The following PAAF1 variants were observed in gnomAD, a reference collection of about 807,000 sequenced individuals.
PAAF1 encodes proteasomal ATPase-associated factor 1.
In PAAF1, 46 loss-of-function variants were observed where a neutral mutation model predicts 52.8. That is an observed-to-expected ratio of 0.87 (90% confidence interval 0.69 to 1.11). The LOEUF (loss-of-function observed/expected upper bound fraction) is 1.11, where lower values mean the gene tolerates loss of function less well. Among genes scored for constraint, PAAF1 ranks in the 50% most tolerant of loss-of-function variants. PAAF1 has a pLI of 0.00. For synonymous variants in PAAF1, 178 were observed against 172.8 expected (o/e 1.03, Z -0.24); for missense variants, 424 against 477.4 (o/e 0.89, Z 1.04).
chr11:73,885,842 CAA>C (rs371468192), intron 2 of PAAF1, among the ~76,000 whole-genome samples: 105 of 82,322 alleles, frequency 1.3e-3, no homozygotes, highest in African/African-American at 2.8e-3. Context: ...AACTCCATCT[CAA>C]AAAAAAAAAA....
chr11:73,894,692 C>T (rs1949297828), intron 4 of PAAF1, among the ~76,000 whole-genome samples: 1 of 152,038 alleles, frequency 6.6e-6, no homozygotes, highest in African/African-American at 2.4e-5. Context: ...GGCATGGTGG[C>T]ACACGCCTGT....
At chr11:73,887,872 CCTT>C (rs1949103299) in intron 3 of PAAF1, among the ~76,000 whole-genome samples, 1 of 152,146 alleles carries the variant, frequency 6.6e-6, no homozygotes. Flanking sequence ...GCCTCAGCCT[CCTT>C]AGCAGCTGGG....
chr11:73,900,831 A>C (rs1166467054), intron 6 of PAAF1, among the ~76,000 whole-genome samples: 2 of 151,528 alleles, frequency 1.3e-5, no homozygotes, highest in Non-Finnish European at 1.5e-5. Flanking sequence ...AAATACAAAA[A>C]ATTAGCCGGG....
At chr11:73,896,750 C>T (rs1370263208) in intron 4 of PAAF1, among the ~76,000 whole-genome samples, 2 of 152,220 alleles carry the variant, frequency 1.3e-5, no homozygotes, top group Non-Finnish European at 2.9e-5. Flanking sequence ...CCCCACCTTT[C>T]CCCCCTTTCT....
At chr11:73,888,571 T>A (rs929409052) in intron 3 of PAAF1, among the ~76,000 whole-genome samples, 3 of 152,224 alleles carry the variant, frequency 2.0e-5, no homozygotes, top group African/African-American at 7.2e-5. Context: ...TTTTGTGTAA[T>A]TAAACTTTTT....
Position 73,878,769 on chromosome 11 carries a change from T to G in PAAF1, c.48-10T>G, listed in dbSNP as rs1382618165. 6.2e-7 allele frequency: 1 copy of G among 1,613,420 alleles called. No homozygotes were observed. Among genetic ancestry groups the G allele is most frequent in the Non-Finnish European group, 8.5e-7 (1 of 1,179,630 alleles). Reference sequence around the variant, plus strand: ...GGTAAGCCTAATTAGGCTTTTGTCTTTCTTCGTAGGAAGGATGAAGGGGAG... The same window carrying G: ...GGTAAGCCTAATTAGGCTTTTGTCTGTCTTCGTAGGAAGGATGAAGGGGAG... On this transcript the variant is annotated splice_polypyrimidine_tract_variant and intron_variant, in intron 1 of 11. Transcript: ENST00000310571.
chr11:73,913,700 GAAA>G (rs61429432), intron 7 of PAAF1, among the ~76,000 whole-genome samples: 1 of 134,240 alleles, frequency 7.4e-6, no homozygotes, highest in South Asian at 2.3e-4. Context: ...GGTAAAAAAA[GAAA>G]AAAAAAAAGA....
chr11:73,897,468 C>G (rs866133701), intron 4 of PAAF1, among the ~76,000 whole-genome samples: 1 of 144,162 alleles, frequency 6.9e-6, no homozygotes. Context: ...ACTTCTCAGA[C>G]GGGGCGGCCG....
chr11:73,884,691 A>G (rs1018681932), intron 2 of PAAF1, among the ~76,000 whole-genome samples: 27 of 152,164 alleles, frequency 1.8e-4, no homozygotes, highest in Admixed American at 7.9e-4. Flanking sequence ...GCTTCATGAT[A>G]CTTCCCTGTG....
chr11:73,891,867 A>G (rs1949211216), intron 4 of PAAF1, among the ~76,000 whole-genome samples: 1 of 152,236 alleles, frequency 6.6e-6, no homozygotes, highest in Non-Finnish European at 1.5e-5. Context: ...TATTTTCTCA[A>G]AATTTCAAAT....
chr11:73,918,844 A>G, intron 9 of PAAF1, 106 bp from the exon 10 acceptor site: 1 of 791,960 alleles, frequency 1.3e-6, no homozygotes, highest in South Asian at 1.7e-5. Context: ...ATCTTTCTTC[A>G]CATTTTATCC....
intron 3 of PAAF1, chr11:73,888,878 G>C (rs1949129634): frequency 2.3e-6 from 1 of 438,318 alleles, no homozygotes; most frequent in Non-Finnish European, 4.0e-6. Context: ...CTCCTAGAAT[G>C]GTTAATGGGG....
intron 6 of PAAF1, among the ~76,000 whole-genome samples, chr11:73,907,606 G>A (rs1239173466): frequency 2.0e-5 from 3 of 152,204 alleles, no homozygotes; most frequent in African/African-American, 4.8e-5. Context: ...TGGAAACTGA[G>A]CTCACTGCTA....
Position 73,909,442 on chromosome 11 carries a change from G to A in PAAF1, c.576G>A (p.Val192=). 4 of 1,614,132 alleles carry A rather than the reference G, an allele frequency of 2.5e-6. No homozygotes were observed. The highest frequency in any genetic ancestry group is 2.5e-6 in the Non-Finnish European group (3 of 1,180,024). Residue 192 remains valine (V), a synonymous_variant, in exon 7 of 12, where the codon GTG becomes GTA. Transcript: ENST00000310571. ...TCGTTGATCGGGGGAGGAATGTGGT[G>A]TCTGCTTCTCGAGATGGGACAGCAC... ...TAIVDRGRNV[V]SASRDGTARL...
intron 10 of PAAF1, among the ~76,000 whole-genome samples, chr11:73,920,808 C>A (rs181329118): frequency 6.8e-6 from 1 of 147,704 alleles, no homozygotes; most frequent in African/African-American, 2.5e-5. Context: ...GCTGAGAGCA[C>A]GCCACTGCAC....
intron 9 of PAAF1, among the ~76,000 whole-genome samples, chr11:73,916,923 A>T (rs1405576098): frequency 6.6e-6 from 1 of 152,192 alleles, no homozygotes; most frequent in African/African-American, 2.4e-5. Flanking sequence ...CATTTCATTT[A>T]AATTGATTGT....
At position 73,924,595 on chromosome 11, in the gene PAAF1, A is replaced by G; in HGVS notation, c.1019-20A>G. On this transcript the variant is annotated intron_variant, in intron 10 of 11. Transcript: ENST00000310571. ...ATGCAGTTTTCTCTTAGTTATATGA[A>G]TTTTCTTTCTGCCTTTCAGGTGATG... The G allele has an allele frequency of 6.2e-7, 1 of 1,604,584 alleles. No individual in the cohort carries two copies.
At chr11:73,887,796 CTGGAGT>C (rs1949101425) in intron 3 of PAAF1, among the ~76,000 whole-genome samples, 1 of 152,168 alleles carries the variant, frequency 6.6e-6, no homozygotes, top group Non-Finnish European at 1.5e-5. Context: ...GTCGCCCAGG[CTGGAGT>C]GCAATGGCAT....
At chr11:73,877,701 C>T (rs1416878428) in intron 1 of PAAF1, among the ~76,000 whole-genome samples, 1 of 152,122 alleles carries the variant, frequency 6.6e-6, no homozygotes, top group Non-Finnish European at 1.5e-5. Flanking sequence ...GCCTGACCAA[C>T]ATGGTGAAAC....
Sources: allele counts gnomAD v4.1 joint callset (sites outside exome capture counted in the v4.1 genomes callset), GRCh38; gene constraint gnomAD v4.1.1; transcripts MANE v1.5; gene names NCBI Gene and HGNC (gene_info 2026-07-23, HGNC 2026-07-21).